AKR1C1: variants seen among roughly 807,000 people sequenced by gnomAD.
AKR1C1 encodes aldo-keto reductase family 1 member C1, also known as 20 alpha-hydroxysteroid dehydrogenase.
A neutral mutation model predicts 40.6 loss-of-function variants in AKR1C1; 32 were observed. The observed-to-expected ratio is 0.79, with a 90% CI of 0.60 to 1.06. The LOEUF (loss-of-function observed/expected upper bound fraction) is 1.06. Among genes scored for constraint, AKR1C1 ranks in the 50% least tolerant of loss-of-function variants. The probability of loss-of-function intolerance (pLI) is 0.00; values close to 1 mark genes in which losing one functional copy is unlikely to be tolerated. For missense variants in AKR1C1, 320 were observed against 363.5 expected (o/e 0.88, Z 0.97); for synonymous variants, 105 against 134.2 (o/e 0.78, Z 1.50).
chr10:4,972,107 T>C, intron 5 of AKR1C1, 94 bp from the exon 6 acceptor site: 2 of 1,532,296 alleles, frequency 1.3e-6, no homozygotes, highest in South Asian at 1.2e-5. Flanking sequence ...TCAAATTTAA[T>C]GCTCTACATT....
intron 8 of AKR1C1, among the ~76,000 whole-genome samples, chr10:4,976,237 C>T (rs1836524558): frequency 1.3e-5 from 2 of 152,224 alleles, no homozygotes. Flanking sequence ...GTGCTACTGT[C>T]TAGTGTACAC....
Position 4,968,933 on chromosome 10 carries a change from G to T in AKR1C1, c.559G>T (p.Val187Phe), listed in dbSNP as rs1836378838. The T allele has an allele frequency of 6.2e-7, 1 of 1,614,202 alleles. No individual in the cohort carries two copies. The highest frequency in any genetic ancestry group is 8.5e-7 in the Non-Finnish European group (1 of 1,180,036). Residue 187 changes from valine to phenylalanine, a missense_variant, in exon 5 of 9, where the codon GTC becomes TTC. Transcript: ENST00000380872. ...CAAGCCAGGGCTCAAGTACAAGCCT[G>T]TCTGCAACCAGGTGAGCACCCTCAG... The part of the protein sequence containing the change: ...LNKPGLKYKP[V>F]CNQVECHPYF...
rs1191570122 is a variant in AKR1C1, at chr10:4,967,419, T to A, written c.369+376T>A. On this transcript the variant is annotated intron_variant, in intron 3 of 8. Transcript: ENST00000380872. The stretch of plus-strand genomic sequence containing the variant: ...AACCTGCTGCACATAGGGTGCACAA[T>A]GAGTTTCCATCTTCTTGCCTCTTTT... 3 of 1,013,018 alleles carry A rather than the reference T, an allele frequency of 3.0e-6. No homozygotes were observed. The East Asian group carries it at 3.2e-4, about 108-fold the overall frequency. 62.8% of individuals were successfully genotyped at this position (1,013,018 alleles called of 1,614,324 possible). A position where few individuals can be genotyped will look rare whatever the true frequency, so the allele number is the denominator to read the frequency against.
intron 5 of AKR1C1, among the ~76,000 whole-genome samples, chr10:4,971,875 T>C (rs1262884080): frequency 6.6e-6 from 1 of 151,768 alleles, no homozygotes; most frequent in Non-Finnish European, 1.5e-5. Context: ...GACCAAATTC[T>C]TGATTTCTGG....
At chr10:4,972,909 A>T (rs1336600935) in intron 7 of AKR1C1, among the ~76,000 whole-genome samples, 160 bp downstream of exon 7, 1 of 152,284 alleles carries the variant, frequency 6.6e-6, no homozygotes, top group Non-Finnish European at 1.5e-5. Context: ...CTACTCTAGC[A>T]CAGGAGAGGC....
chr10:4,969,721 AG>A (rs1736675446), intron 5 of AKR1C1: 1 of 1,611,996 alleles, frequency 6.2e-7, no homozygotes, highest in African/African-American at 1.3e-5. Context: ...TGGTGATTCC[AG>A]GCCTCCTTGA....
Position 4,966,044 on chromosome 10 carries a change from G to T in AKR1C1, c.215G>T (p.Gly72Val). Residue 72 changes from glycine (G) to valine (V), a missense_variant, in exon 2 of 9, where the codon GGC (glycine) becomes GTC (valine). Gly to Val is a moderately radical substitution (Grantham distance 109, BLOSUM62 -3). Transcript: ENST00000380872. ...GCCATCCGAAGCAAGATTGCAGATG[G>T]CAGTGTGAAGAGAGAAGACATATTC... ...GLAIRSKIAD[G>V]SVKREDIFYT... is the part of the protein sequence containing the mutation. 6.2e-7 allele frequency: 1 copy of T among 1,614,168 alleles called. No homozygotes were observed. Among genetic ancestry groups the T allele is most frequent in the African/African-American group, 1.3e-5 (1 of 75,056 alleles).
intron 8 of AKR1C1, 142 bp from the exon 9 acceptor site, chr10:4,977,558 C>A (rs187559938): frequency 6.6e-5 from 57 of 867,682 alleles, no homozygotes; most frequent in Non-Finnish European, 9.3e-5. Flanking sequence ...ATTCATTAAA[C>A]AAAGAAACAC....
chr10:4,971,671 G>A (rs1307541648), intron 5 of AKR1C1, among the ~76,000 whole-genome samples: 1 of 150,550 alleles, frequency 6.6e-6, no homozygotes, highest in Non-Finnish European at 1.5e-5. Flanking sequence ...ATGAAAGACT[G>A]TGAAAATTAT....
At chr10:4,965,394 C>A (rs936628284) in intron 1 of AKR1C1, 4 of 152,544 alleles carry the variant, frequency 2.6e-5, no homozygotes, top group African/African-American at 9.7e-5. Flanking sequence ...GCCCCAGCCT[C>A]CCCAGTAGCT....
At position 4,972,570 on chromosome 10, in the gene AKR1C1, G is replaced by T. The variant is rs1836449583; in HGVS notation, c.681-14G>T. On this transcript the variant is annotated splice_polypyrimidine_tract_variant and intron_variant, in intron 6 of 8. Transcript: ENST00000380872. ...CCAGCCTCAGGGCCTCAGCCTTTCTGCCTTTCCTTCCAGGGTGGACCCGAA... is the reference window on the plus strand; with the variant it reads ...CCAGCCTCAGGGCCTCAGCCTTTCTTCCTTTCCTTCCAGGGTGGACCCGAA... The T allele has an allele frequency of 6.2e-7, 1 of 1,613,334 alleles. No individual in the cohort carries two copies. Among genetic ancestry groups the T allele is most frequent in the South Asian group, 1.1e-5 (1 of 91,066 alleles).
In AKR1C1 at chr10:4,981,601, C is replaced by T. The variant is rs1470554486; in HGVS notation, c.*3859C>T. The T allele has an allele frequency of 6.6e-6, 1 of 152,216 alleles. No individual in the cohort carries two copies. The highest frequency in any genetic ancestry group is 1.5e-5 in the Non-Finnish European group (1 of 68,040). 9.4% of individuals were successfully genotyped at this position (152,216 alleles called of 1,614,324 possible). A position where few individuals can be genotyped will look rare whatever the true frequency, so the allele number is the denominator to read the frequency against. ...GATATATGAAAAAATTTCACATACA[C>T]TCTGAAGAAGTCTCAGGCACAATCC... On this transcript the variant is annotated 3_prime_UTR_variant, in exon 9 of 9. Transcript: ENST00000380872.
At chr10:4,964,658 A>G (rs1334262132) in intron 1 of AKR1C1, among the ~76,000 whole-genome samples, 2 of 152,234 alleles carry the variant, frequency 1.3e-5, no homozygotes, top group Non-Finnish European at 2.9e-5. Flanking sequence ...CAATAATTGT[A>G]AATTTCACTG....
chr10:4,972,800 C>T (rs559135712), intron 7 of AKR1C1, 51 bp downstream of exon 7: 57,984 of 1,584,908 alleles, frequency 0.037, 1,034 homozygotes, highest in Non-Finnish European at 0.041. Flanking sequence ...GTCCTTCACA[C>T]GTGTGCTTCT....
At chr10:4,974,145 A>G (rs1454794704) in intron 7 of AKR1C1, among the ~76,000 whole-genome samples, 2 of 151,736 alleles carry the variant, frequency 1.3e-5, no homozygotes, top group African/African-American at 4.8e-5. Context: ...ATTTTTAGAC[A>G]TTAGAAAACC....
rs367735323 is a variant in AKR1C1 at position 4,983,250 on chromosome 10, G to C, written c.*5508G>C. The C allele has an allele frequency of 1.1e-5, 2 of 174,186 alleles. No homozygotes were observed. Among genetic ancestry groups the C allele is most frequent in the African/African-American group, 4.8e-5 (2 of 41,798 alleles). The allele number at this position is 174,186 out of a possible 1,614,324, so 10.8% of individuals were successfully genotyped here. ...GAGCCCAGGCCAATTTTCTAAACATGGAATATGAGTTAAATAAATGGCTTC... is the reference window on the plus strand; with the variant it reads ...GAGCCCAGGCCAATTTTCTAAACATCGAATATGAGTTAAATAAATGGCTTC... On this transcript the variant is annotated 3_prime_UTR_variant, in exon 9 of 9. Transcript: ENST00000380872.
At chr10:4,965,595 T>G (rs1341252117) in intron 1 of AKR1C1, 1 of 196,352 alleles carries the variant, frequency 5.1e-6, no homozygotes, top group Admixed American at 5.8e-5. Context: ...ATACTAAAAA[T>G]AATTAAGATT....
chr10:4,963,421 T>A lies in AKR1C1; in HGVS notation c.-24T>A. 1.2e-6 allele frequency: 2 copies of A among 1,613,770 alleles called. No individual in the cohort carries two copies. The highest frequency in any genetic ancestry group is 1.3e-5 in the African/African-American group (1 of 75,044). ...CTGTGAGGGAGGAAGAAAGAAACAT[T>A]TGCCAGCCAGGCTAGTGACAGAAAT... On this transcript the variant is annotated 5_prime_UTR_variant, in exon 1 of 9. The change creates a new upstream start codon in the 5' untranslated region. Transcript: ENST00000380872.
At chr10:4,965,881 G>T (rs768746934) in intron 1 of AKR1C1, 33 bp from the exon 2 acceptor site, 1 of 1,594,140 alleles carries the variant, frequency 6.3e-7, no homozygotes, top group Non-Finnish European at 8.5e-7. Context: ...AGGCACATTA[G>T]TCAGAAAATA....
Sources: gnomAD v4.1 joint callset for allele counts (sites outside exome capture counted in the v4.1 genomes callset) on GRCh38, gnomAD v4.1.1 for gene constraint, MANE v1.5 for transcripts, NCBI Gene and HGNC (gene_info 2026-07-23, HGNC 2026-07-21) for gene names.